The following ZNF804B variants were observed in gnomAD, a reference collection of about 807,000 sequenced individuals.
The protein encoded by ZNF804B is zinc finger protein 804B.
In ZNF804B, 80 loss-of-function variants were observed where a neutral mutation model predicts 101.4. The observed-to-expected ratio is 0.79, with a 90% CI of 0.66 to 0.95. The LOEUF (loss-of-function observed/expected upper bound fraction) is 0.95. Ranked by LOEUF, ZNF804B falls within the 40% of genes least tolerant of loss-of-function variation. The pLI, the probability that ZNF804B is intolerant of heterozygous loss-of-function variation, is 0.00. For synonymous variants in ZNF804B, 622 were observed against 558.8 expected (o/e 1.11, Z -1.59); for missense variants, 1,673 against 1,561.9 (o/e 1.07, Z -1.20).
chr7:89,292,025 G>C (rs952908851), intron 2 of ZNF804B, among the ~76,000 whole-genome samples: 1 of 151,958 alleles, frequency 6.6e-6, no homozygotes, highest in African/African-American at 2.4e-5. Context: ...CATCCTAAAA[G>C]AGTAAAAAAT....
chr7:89,225,936 G>A lies in ZNF804B; in HGVS notation c.249+7641G>A, dbSNP rs146538915. ...AGCTTGGCTCTGTGATGAGATAAGC[G>A]TTCAAGAGTTCAAGAGAGACAATAG... is the stretch of plus-strand genomic sequence containing the variant. On this transcript the variant is annotated intron_variant, in intron 2 of 3. Transcript: ENST00000333190. 3.8e-4 allele frequency among the ~76,000 whole-genome samples: 58 copies of A among 152,178 alleles called. No individual in the cohort carries two copies. In the East Asian group the frequency reaches 4.8e-3, roughly 13 times the overall value.
chr7:88,827,001 C>A (rs1583961153), intron 1 of ZNF804B, among the ~76,000 whole-genome samples: 1 of 151,896 alleles, frequency 6.6e-6, no homozygotes, highest in South Asian at 2.1e-4. Flanking sequence ...AAATAAGCAG[C>A]AAAACAGAAA....
In ZNF804B at chr7:89,334,990, G is replaced by T; in HGVS notation, c.2008G>T (p.Gly670Trp). The change falls in exon 4 of 4, where the codon GGG becomes TGG. Residue 670 changes from glycine to tryptophan, a missense_variant. By Grantham distance (184) the Gly-to-Trp change is radical. Transcript: ENST00000333190. ...PCTVGGHSDH[G>W]KDFSVILKSN... ...TACAGTAGGGGGTCACAGTGACCAT[G>T]GGAAAGACTTCAGTGTAATTTTGAA... The T allele has an allele frequency of 1.9e-5, 30 of 1,613,856 alleles. No homozygotes were observed. Among genetic ancestry groups the T allele is most frequent in the Non-Finnish European group, 2.5e-5 (30 of 1,179,894 alleles).
intron 1 of ZNF804B, among the ~76,000 whole-genome samples, chr7:88,881,367 A>T (rs1792027539): frequency 6.6e-6 from 1 of 152,054 alleles, no homozygotes; most frequent in South Asian, 2.1e-4. Context: ...GTTTCTGCAA[A>T]TTTTTTCTTC....
chr7:89,079,514 T>G (rs1789663688), intron 1 of ZNF804B, among the ~76,000 whole-genome samples: 1 of 152,090 alleles, frequency 6.6e-6, no homozygotes, highest in Non-Finnish European at 1.5e-5. Context: ...CAACACCTGT[T>G]AAACACTTAC....
intron 1 of ZNF804B, among the ~76,000 whole-genome samples, chr7:89,187,082 C>T (rs1291226055): frequency 6.6e-6 from 1 of 152,112 alleles, no homozygotes; most frequent in Non-Finnish European, 1.5e-5. Context: ...TGCAAGAGCA[C>T]AAATATCAGA....
chr7:88,843,633 A>T (rs1450945094), intron 1 of ZNF804B, among the ~76,000 whole-genome samples: 2 of 152,104 alleles, frequency 1.3e-5, no homozygotes, highest in Non-Finnish European at 2.9e-5. Flanking sequence ...GCTGTTCGGG[A>T]GGCTGAGGCA....
At chr7:89,225,913 C>G (rs1226343930) in intron 2 of ZNF804B, among the ~76,000 whole-genome samples, 1 of 152,052 alleles carries the variant, frequency 6.6e-6, no homozygotes, top group Non-Finnish European at 1.5e-5. Flanking sequence ...AGAAGGAGAG[C>G]TTGGCTCTGT....
At position 89,311,597 on chromosome 7, in the gene ZNF804B, A is replaced by T. The variant is rs147030316; in HGVS notation, c.250-15747A>T. Reference sequence around the variant, plus strand: ...GAAGTGCTGGATATTTCCAAACCTGAACACACTCTCTGTAGATACTTCATG... The same window carrying T: ...GAAGTGCTGGATATTTCCAAACCTGTACACACTCTCTGTAGATACTTCATG... On this transcript the variant is annotated intron_variant, in intron 2 of 3. Coordinates refer to ENST00000333190, the MANE Select transcript of ZNF804B (RefSeq NM_181646.5). 5.9e-3 allele frequency among the ~76,000 whole-genome samples: 906 copies of T among 152,280 alleles called. 10 individuals carry two copies. The highest frequency in any genetic ancestry group is 0.02 in the African/African-American group (847 of 41,556).
At chr7:89,199,624 C>T (rs964626093) in intron 1 of ZNF804B, among the ~76,000 whole-genome samples, 8 of 151,804 alleles carry the variant, frequency 5.3e-5, no homozygotes, top group South Asian at 2.1e-4. Flanking sequence ...CATGAGAAAC[C>T]GAAGCTCTGA....
intron 1 of ZNF804B, among the ~76,000 whole-genome samples, chr7:88,808,548 T>C (rs1790727726): frequency 6.6e-6 from 1 of 152,072 alleles, no homozygotes; most frequent in Non-Finnish European, 1.5e-5. Context: ...TTGAACAGTG[T>C]ACTGGGATTT....
At chr7:88,876,320 A>C (rs1169907182) in intron 1 of ZNF804B, among the ~76,000 whole-genome samples, 1 of 152,064 alleles carries the variant, frequency 6.6e-6, no homozygotes, top group East Asian at 1.9e-4. Flanking sequence ...CTCTTTTTGA[A>C]TTCTCTAATA....
chr7:88,854,433 T>TTCTTTCTTTCTTTC (rs1393827935), intron 1 of ZNF804B, among the ~76,000 whole-genome samples: 5 of 123,360 alleles, frequency 4.1e-5, no homozygotes, highest in Non-Finnish European at 6.8e-5. Flanking sequence ...CTTTCTTTCT[T>TTCTTTCTTTCTTTC]TCTTTCTTTC....
intron 1 of ZNF804B, among the ~76,000 whole-genome samples, chr7:89,205,387 C>G (rs531352548): frequency 1.4e-4 from 21 of 152,306 alleles, no homozygotes; most frequent in African/African-American, 4.6e-4. Context: ...AATCCAAAGT[C>G]TCATCTGAGA....
chr7:89,332,568 G>T lies in ZNF804B; in HGVS notation c.381-795G>T, dbSNP rs58802526. Among the ~76,000 whole-genome samples, 205 of 151,762 alleles carry T rather than the reference G, an allele frequency of 1.4e-3. 2 individuals carry two copies. Among genetic ancestry groups the T allele is most frequent in the African/African-American group, 4.8e-3 (201 of 41,448 alleles). ...GGGTATATAGATAGACTGTTAAAGG[G>T]CATATAATTTTAATCTAAAGAATTT... On this transcript the variant is annotated intron_variant, in intron 3 of 3. Coordinates refer to ENST00000333190, the MANE Select transcript of ZNF804B (RefSeq NM_181646.5).
chr7:89,245,543 C>T (rs908649902), intron 2 of ZNF804B, among the ~76,000 whole-genome samples: 1 of 152,066 alleles, frequency 6.6e-6, no homozygotes, highest in African/African-American at 2.4e-5. Context: ...GGAAATTTTA[C>T]ATACTTGGAA....
chr7:88,794,170 C>A, intron 1 of ZNF804B: 2 of 1,585,216 alleles, frequency 1.3e-6, no homozygotes, highest in Non-Finnish European at 1.7e-6. Flanking sequence ...GGCACATTAT[C>A]CCTCTCAATC....
At chr7:89,085,531 G>A (rs1365523876) in intron 1 of ZNF804B, among the ~76,000 whole-genome samples, 1 of 151,774 alleles carries the variant, frequency 6.6e-6, no homozygotes, top group African/African-American at 2.4e-5. Flanking sequence ...CCATGGAACC[G>A]TGGTTAATTG....
intron 1 of ZNF804B, among the ~76,000 whole-genome samples, chr7:88,780,386 CTTTT>C (rs34619990): frequency 9.0e-6 from 1 of 111,194 alleles, no homozygotes; most frequent in Non-Finnish European, 1.8e-5. Context: ...ACTTTTTTGT[CTTTT>C]TTTTTTTTTT....
Sources: gnomAD v4.1 joint callset for allele counts (sites outside exome capture counted in the v4.1 genomes callset) on GRCh38, gnomAD v4.1.1 for gene constraint, MANE v1.5 for transcripts, NCBI Gene and HGNC (gene_info 2026-07-23, HGNC 2026-07-21) for gene names.